The following DGKB variants were observed in gnomAD, a reference collection of about 807,000 sequenced individuals.
DGKB encodes the protein diacylglycerol kinase beta.
DGKB carries 67 observed loss-of-function variants against 114.3 expected under a neutral mutation model. The ratio of observed to expected loss-of-function variants is 0.59; its 90% CI spans 0.48 to 0.72. The LOEUF (loss-of-function observed/expected upper bound fraction) is 0.72, where lower values mean the gene tolerates loss of function less well. Among genes scored for constraint, DGKB ranks in the 30% least tolerant of loss-of-function variants. The pLI, the probability that DGKB is intolerant of heterozygous loss-of-function variation, is 0.00. For synonymous variants in DGKB, 398 were observed against 323.1 expected, an observed-to-expected ratio of 1.23 and a Z score of -2.49; for missense variants, 907 against 975.2, an observed-to-expected ratio of 0.93 and a Z score of 0.93.
At chr7:14,831,477 G>A (rs968417968) in intron 2 of DGKB, among the ~76,000 whole-genome samples, 10 of 152,028 alleles carry the variant, frequency 6.6e-5, no homozygotes, top group African/African-American at 1.2e-4. Context: ...AAGAAGATGT[G>A]TTTGTTGTGC....
At chr7:14,898,020 T>C (rs975512931) in intron 1 of DGKB, among the ~76,000 whole-genome samples, 2 of 151,956 alleles carry the variant, frequency 1.3e-5, no homozygotes, top group African/African-American at 4.8e-5. Context: ...AAAAAACAGA[T>C]TATTTCAATT....
chr7:14,373,009 A>G (rs1015942082), intron 21 of DGKB, among the ~76,000 whole-genome samples: 3 of 152,194 alleles, frequency 2.0e-5, no homozygotes, highest in Admixed American at 2.0e-4. Flanking sequence ...CGTTTGATCC[A>G]TAAGGTGTTA....
chr7:14,809,527 T>C lies in DGKB; in HGVS notation c.70+31667A>G, dbSNP rs531779123. 3.3e-5 allele frequency among the ~76,000 whole-genome samples: 5 copies of C among 152,234 alleles called. No homozygotes were observed. In the South Asian group the frequency reaches 8.3e-4, roughly 25 times the overall value. On this transcript the variant is annotated intron_variant, in intron 2 of 25. Coordinates refer to ENST00000402815, the MANE Select transcript of DGKB (RefSeq NM_001350709.2). ...ATTTTAATAGCATCCATGTAAGAAA[T>C]GCAGGGCTTTTCCAAGAGACATGTA...
At chr7:14,600,545 A>T (rs927674085) in intron 17 of DGKB, among the ~76,000 whole-genome samples, 42 of 152,288 alleles carry the variant, frequency 2.8e-4, no homozygotes, top group African/African-American at 9.9e-4. Flanking sequence ...GGTACAATTT[A>T]TTTTGAGGAA....
At chr7:14,276,570 A>C (rs575641746) in intron 23 of DGKB, among the ~76,000 whole-genome samples, 1 of 152,202 alleles carries the variant, frequency 6.6e-6, no homozygotes, top group South Asian at 2.1e-4. Context: ...CATCATATGC[A>C]TGTTAGAAAA....
rs575538309 is a variant in DGKB at position 14,666,718 on chromosome 7, C to T, written c.1134+6211G>A. Among the ~76,000 whole-genome samples, 3 of 151,734 alleles carry T rather than the reference C, an allele frequency of 2.0e-5. No individual in the cohort carries two copies. The South Asian group carries it at 6.3e-4, about 32-fold the overall frequency. On this transcript the variant is annotated intron_variant, in intron 13 of 25. Coordinates refer to ENST00000402815, the MANE Select transcript of DGKB (RefSeq NM_001350709.2). ...ATCTACCTTTGTAAACAGTTTCTGA[C>T]CTCTCTTCAATATGGCAGTAAATGA...
At chr7:14,296,633 G>A (rs1003608544) in intron 23 of DGKB, among the ~76,000 whole-genome samples, 1 of 151,598 alleles carries the variant, frequency 6.6e-6, no homozygotes, top group African/African-American at 2.4e-5. Context: ...ACAATTAAAA[G>A]AACTACAGAA....
chr7:14,352,061 G>A (rs945357230), intron 21 of DGKB, among the ~76,000 whole-genome samples: 2 of 152,124 alleles, frequency 1.3e-5, no homozygotes, highest in Non-Finnish European at 2.9e-5. Flanking sequence ...TCAAATGACA[G>A]ATAAAAATGC....
upstream of DGKB, among the ~76,000 whole-genome samples, chr7:14,906,744 C>T (rs868395493): frequency 9.9e-5 from 15 of 152,150 alleles, no homozygotes; most frequent in Admixed American, 2.6e-4. Flanking sequence ...AGCCACAGTG[C>T]CCGGCCTCCA....
At chr7:14,185,553 T>C (rs112206612) in intron 23 of DGKB, among the ~76,000 whole-genome samples, 4,822 of 151,998 alleles carry the variant, frequency 0.032, 207 homozygotes, top group African/African-American at 0.1. Flanking sequence ...AGAGCCCACA[T>C]AGACAAAGCA....
chr7:14,702,583 G>A lies in DGKB; in HGVS notation c.467-853C>T, dbSNP rs58590220. Among the ~76,000 whole-genome samples the A allele has an allele frequency of 5.3e-3, 801 of 152,266 alleles. 5 individuals carry two copies. Among genetic ancestry groups the A allele is most frequent in the African/African-American group, 0.018 (744 of 41,540 alleles). Reference sequence around the variant, plus strand: ...TCACACATCCCCAGGAGGCTGTGGAGGAGGCCACAGGTGCCATTTTGAGAT... The same window carrying A: ...TCACACATCCCCAGGAGGCTGTGGAAGAGGCCACAGGTGCCATTTTGAGAT... On this transcript the variant is annotated intron_variant, in intron 6 of 25. Coordinates refer to ENST00000402815, the MANE Select transcript of DGKB (RefSeq NM_001350709.2).
chr7:14,567,131 T>A (rs1457898675), intron 20 of DGKB, among the ~76,000 whole-genome samples: 1 of 107,770 alleles, frequency 9.3e-6, no homozygotes, highest in Non-Finnish European at 1.8e-5. Flanking sequence ...AAATATATAA[T>A]TATATGTTTA....
At chr7:14,639,081 C>T (rs1382061621) in intron 13 of DGKB, among the ~76,000 whole-genome samples, 4 of 150,646 alleles carry the variant, frequency 2.7e-5, no homozygotes, top group Admixed American at 6.6e-5. Context: ...AAAAAAAACA[C>T]GAAGTGAGCA....
intron 1 of DGKB, among the ~76,000 whole-genome samples, chr7:14,885,831 A>T (rs1854968924): frequency 6.6e-6 from 1 of 151,946 alleles, no homozygotes; most frequent in South Asian, 2.1e-4. Flanking sequence ...TGCTAAAGTC[A>T]GGATTTAAAC....
At chr7:14,835,012 C>T (rs990171926) in intron 2 of DGKB, among the ~76,000 whole-genome samples, 1 of 151,928 alleles carries the variant, frequency 6.6e-6, no homozygotes, top group Non-Finnish European at 1.5e-5. Flanking sequence ...AGCAGTACAA[C>T]AAATAGGAAC....
At chr7:14,655,915 T>C (rs1034230698) in intron 13 of DGKB, among the ~76,000 whole-genome samples, 10 of 151,684 alleles carry the variant, frequency 6.6e-5, no homozygotes, top group African/African-American at 1.9e-4. Context: ...GTTGGTTAAC[T>C]GATACAAAAT....
intron 23 of DGKB, among the ~76,000 whole-genome samples, chr7:14,337,149 T>C (rs1329070541): frequency 3.3e-5 from 5 of 152,036 alleles, no homozygotes; most frequent in African/African-American, 1.2e-4. Flanking sequence ...TTTTTAGAAA[T>C]CTACTAATTT....
At chr7:14,292,875 C>T (rs1036045097) in intron 23 of DGKB, among the ~76,000 whole-genome samples, 8 of 152,102 alleles carry the variant, frequency 5.3e-5, no homozygotes, top group African/African-American at 1.7e-4. Context: ...GAGGTTTGAC[C>T]ACTACCTGTT....
chr7:14,188,488 G>A lies in DGKB; in HGVS notation c.2123-10337C>T, dbSNP rs538626977. Among the ~76,000 whole-genome samples, 4 of 131,494 alleles carry A rather than the reference G, an allele frequency of 3.0e-5. No homozygotes were observed. The East Asian group carries it at 6.4e-4, about 21-fold the overall frequency. 86.3% of individuals were successfully genotyped at this position (131,494 alleles called of 152,430 possible). A position where few individuals can be genotyped will look rare whatever the true frequency, so the allele number is the denominator to read the frequency against. ...ATCCCGGCTAAAACGGTGAAACCCC[G>A]TCTCTACTAAAAATACAAAAAATTA... On this transcript the variant is annotated intron_variant, in intron 23 of 25. Coordinates refer to ENST00000402815, the MANE Select transcript of DGKB (RefSeq NM_001350709.2).
Sources: gnomAD v4.1 joint callset for allele counts (sites outside exome capture counted in the v4.1 genomes callset) on GRCh38, gnomAD v4.1.1 for gene constraint, MANE v1.5 for transcripts, NCBI Gene and HGNC (gene_info 2026-07-23, HGNC 2026-07-21) for gene names.